LRP1B: variants seen among roughly 807,000 people sequenced by gnomAD.
LRP1B encodes low-density lipoprotein receptor-related protein 1B.
Under a neutral mutation model 556.6 loss-of-function variants are expected in LRP1B, and 217 were observed. The observed-to-expected ratio is 0.39, with a 90% CI of 0.35 to 0.44. LRP1B has a LOEUF of 0.44. LRP1B is among the 20% of genes least tolerant of loss of function. The pLI is 1.00. For synonymous variants in LRP1B, 2,047 were observed against 1,865.8 expected, an observed-to-expected ratio of 1.10 and a Z score of -2.50; for missense variants, 5,053 against 5,620.8, an observed-to-expected ratio of 0.90 and a Z score of 3.23.
intron 11 of LRP1B, among the ~76,000 whole-genome samples, chr2:141,035,092 C>G (rs1367767223): frequency 6.6e-6 from 1 of 151,670 alleles, no homozygotes; most frequent in East Asian, 1.9e-4. Flanking sequence ...TCATTCTCAG[C>G]AAACTATCGC....
intron 1 of LRP1B, among the ~76,000 whole-genome samples, chr2:142,064,799 A>G (rs887716077): frequency 1.3e-5 from 2 of 151,620 alleles, no homozygotes; most frequent in Non-Finnish European, 3.0e-5. Flanking sequence ...TCAGATGATA[A>G]AATAAAAAAG....
At chr2:141,122,126 T>C (rs981710579) in intron 7 of LRP1B, among the ~76,000 whole-genome samples, 15 of 152,092 alleles carry the variant, frequency 9.9e-5, no homozygotes, top group African/African-American at 3.6e-4. Flanking sequence ...ACTTAAATGT[T>C]AGACCTAAAA....
chr2:141,412,797 C>T (rs1490124063), intron 3 of LRP1B, among the ~76,000 whole-genome samples: 1 of 152,028 alleles, frequency 6.6e-6, no homozygotes, highest in East Asian at 1.9e-4. Context: ...CTGAATCCCC[C>T]AAAATTACAC....
intron 1 of LRP1B, among the ~76,000 whole-genome samples, chr2:142,048,707 C>T (rs1455955923): frequency 6.6e-6 from 1 of 151,952 alleles, no homozygotes; most frequent in Non-Finnish European, 1.5e-5. Context: ...TCTTTTATAA[C>T]ATTCTTCATT....
intron 66 of LRP1B, among the ~76,000 whole-genome samples, chr2:140,397,130 T>C (rs1684288967): frequency 2.0e-5 from 3 of 152,154 alleles, no homozygotes; most frequent in Admixed American, 2.0e-4. Flanking sequence ...TTTTATTATC[T>C]GTTTTTATTT....
chr2:141,708,005 A>G (rs1692208855), intron 2 of LRP1B, among the ~76,000 whole-genome samples: 1 of 152,200 alleles, frequency 6.6e-6, no homozygotes, highest in Admixed American at 6.5e-5. Context: ...TTGAAATATC[A>G]AAGAAAAGTG....
intron 1 of LRP1B, among the ~76,000 whole-genome samples, chr2:141,934,918 C>T (rs1026705603): frequency 1.1e-4 from 16 of 152,078 alleles, no homozygotes; most frequent in African/African-American, 3.1e-4. Context: ...GACTAATACA[C>T]CCATAGATAG....
intron 21 of LRP1B, among the ~76,000 whole-genome samples, chr2:140,908,359 T>A (rs903481343): frequency 1.3e-5 from 1 of 74,836 alleles, no homozygotes; most frequent in Non-Finnish European, 2.5e-5. Context: ...ATATTTATAT[T>A]TATATAATAT....
At chr2:140,893,744 G>C (rs1024728289) in intron 23 of LRP1B, among the ~76,000 whole-genome samples, 1 of 152,028 alleles carries the variant, frequency 6.6e-6, no homozygotes, top group Non-Finnish European at 1.5e-5. Context: ...AATTTCCAGG[G>C]AGAATGTGAA....
intron 68 of LRP1B, among the ~76,000 whole-genome samples, chr2:140,377,812 A>C (rs1683300689): frequency 6.6e-6 from 1 of 152,184 alleles, no homozygotes; most frequent in African/African-American, 2.4e-5. Flanking sequence ...ACTGGGGAGA[A>C]GAAACTGTTT....
intron 2 of LRP1B, among the ~76,000 whole-genome samples, chr2:141,618,735 T>A (rs539960732): frequency 1.3e-5 from 2 of 152,256 alleles, no homozygotes; most frequent in African/African-American, 4.8e-5. Flanking sequence ...GCTTACCTGA[T>A]CCTCCTGTCC....
At chr2:140,961,840 A>G (rs1312067178) in intron 18 of LRP1B, among the ~76,000 whole-genome samples, 1 of 152,178 alleles carries the variant, frequency 6.6e-6, no homozygotes, top group African/African-American at 2.4e-5. Context: ...GAGGAGTATA[A>G]TTTTCAGAAA....
rs971465856 is a variant in LRP1B, at chr2:140,768,969, C to T, written c.5758+244G>A. ...AGAAATAAAAATAAGCAACCAAGTG[C>T]CAATGGTGGTATGTTAAGGCAATTG... On this transcript the variant is annotated intron_variant, in intron 35 of 90. Transcript: ENST00000389484. Among the ~76,000 whole-genome samples, 10 of 151,346 alleles carry T rather than the reference C, an allele frequency of 6.6e-5. No individual in the cohort carries two copies. In the East Asian group the frequency reaches 1.9e-3, roughly 29 times the overall value.
chr2:141,933,500 T>C (rs1461627742), intron 1 of LRP1B, among the ~76,000 whole-genome samples: 1 of 152,094 alleles, frequency 6.6e-6, no homozygotes, highest in Non-Finnish European at 1.5e-5. Context: ...AGGAAACCAC[T>C]TGACTCTCCC....
intron 41 of LRP1B, among the ~76,000 whole-genome samples, chr2:140,635,390 T>C (rs1439257524): frequency 6.6e-6 from 1 of 152,040 alleles, no homozygotes; most frequent in Non-Finnish European, 1.5e-5. Flanking sequence ...GGTAATGAAA[T>C]TGGTGTATGA....
At chr2:141,009,583 C>A (rs1697681030) in intron 14 of LRP1B, among the ~76,000 whole-genome samples, 1 of 151,736 alleles carries the variant, frequency 6.6e-6, no homozygotes, top group Non-Finnish European at 1.5e-5. Context: ...TTATGATGGT[C>A]CTACCACCAA....
chr2:141,891,961 A>G (rs1361891398), intron 1 of LRP1B, among the ~76,000 whole-genome samples: 1 of 152,088 alleles, frequency 6.6e-6, no homozygotes, highest in Non-Finnish European at 1.5e-5. Flanking sequence ...GCTGATCTTA[A>G]GAAATAAAAC....
intron 3 of LRP1B, among the ~76,000 whole-genome samples, chr2:141,318,566 G>T (rs1687114604): frequency 1.3e-5 from 2 of 152,012 alleles, no homozygotes; most frequent in African/African-American, 4.8e-5. Flanking sequence ...CTTTCAGACT[G>T]GCTTTCTCAC....
intron 2 of LRP1B, among the ~76,000 whole-genome samples, chr2:141,536,610 T>C (rs931784928): frequency 6.6e-6 from 1 of 152,020 alleles, no homozygotes; most frequent in Admixed American, 6.6e-5. Flanking sequence ...CATTCAATAA[T>C]GCCCTAGCAC....
Sources: gnomAD v4.1 joint callset for allele counts (sites outside exome capture counted in the v4.1 genomes callset) on GRCh38, gnomAD v4.1.1 for gene constraint, MANE v1.5 for transcripts, NCBI Gene and HGNC (gene_info 2026-07-23, HGNC 2026-07-21) for gene names.